Variants in MCUB observed in about 807,000 individuals in gnomAD.
MCUB encodes the protein calcium uniporter regulatory subunit MCUb, mitochondrial.
In MCUB, 46 loss-of-function variants were observed where a neutral mutation model predicts 41.4. That is an observed-to-expected ratio of 1.11 (90% confidence interval 0.88 to 1.42). The LOEUF is 1.42. Ranked by LOEUF, MCUB falls within the 40% of genes most tolerant of loss-of-function variation. MCUB has a pLI of 0.00. For missense variants in MCUB, 403 were observed against 404.9 expected, an observed-to-expected ratio of 1.00 and a Z score of 0.04; for synonymous variants, 148 against 148.2, an observed-to-expected ratio of 1.00 and a Z score of 0.01.
chr4:109,633,275 A>T (rs1030584484), intron 1 of MCUB, among the ~76,000 whole-genome samples: 24 of 150,200 alleles, frequency 1.6e-4, no homozygotes, highest in East Asian at 1.4e-3. Flanking sequence ...AATTATTATT[A>T]TTTTTTTTTT....
chr4:109,614,469 A>G lies in MCUB; in HGVS notation c.100-44542A>G, dbSNP rs993764339. Among the ~76,000 whole-genome samples, 10 of 151,726 alleles carry G rather than the reference A, an allele frequency of 6.6e-5. No homozygotes were observed. The East Asian group carries it at 9.6e-4, about 15-fold the overall frequency. ...GGGCAGAGTTGCTTCCTCTTTCTGC[A>G]CTCCGCTATGTGAGGACATAGAATA... is the stretch of plus-strand genomic sequence containing the variant. On this transcript the variant is annotated intron_variant, in intron 1 of 7. Transcript: ENST00000394650.
intron 1 of MCUB, among the ~76,000 whole-genome samples, chr4:109,650,825 A>G (rs918772856): frequency 6.6e-6 from 1 of 152,220 alleles, no homozygotes; most frequent in Admixed American, 6.5e-5. Flanking sequence ...GATCAGTACA[A>G]CATTCTTTGA....
At chr4:109,629,402 G>A (rs1230325499) in intron 1 of MCUB, among the ~76,000 whole-genome samples, 9 of 152,138 alleles carry the variant, frequency 5.9e-5, no homozygotes, top group Non-Finnish European at 1.0e-4. Flanking sequence ...GTGACCCCTA[G>A]TCACCAAGAA....
chr4:109,597,436 CGGGGCGGCTGGCCGGGCGGGGGGCTG>C (rs1727590008), intron 1 of MCUB, among the ~76,000 whole-genome samples: 10 of 125,584 alleles, frequency 8.0e-5, no homozygotes, highest in South Asian at 5.4e-4. Flanking sequence ...CCCTCCCGGA[CGGGGCGGCTGGCCGGGCGGGGGGCTG>C]ACCCCCCCAC....
intron 1 of MCUB, among the ~76,000 whole-genome samples, chr4:109,610,058 C>T (rs1727970611): frequency 6.6e-6 from 1 of 152,174 alleles, no homozygotes; most frequent in South Asian, 2.1e-4. Context: ...CCACTGCCAC[C>T]ATAGGCCCAT....
intron 1 of MCUB, among the ~76,000 whole-genome samples, chr4:109,618,873 G>A (rs1728184918): frequency 6.6e-6 from 1 of 151,654 alleles, no homozygotes; most frequent in Admixed American, 6.6e-5. Flanking sequence ...AAGCTTCTTA[G>A]AAGATGCATT....
chr4:109,586,809 C>G lies in MCUB; in HGVS notation c.99+26373C>G, dbSNP rs185170453. Among the ~76,000 whole-genome samples the G allele has an allele frequency of 6.1e-4, 93 of 152,252 alleles. 1 individual carries two copies. Among genetic ancestry groups the G allele is most frequent in the African/African-American group, 2.0e-3 (84 of 41,552 alleles). ...GGCTGCAGAACAGCAAATATTGCTG[C>G]CTGATCCTTCCTCTGGAAGCTTTGC... On this transcript the variant is annotated intron_variant, in intron 1 of 7. Transcript: ENST00000394650.
At chr4:109,618,920 G>A (rs577686642) in intron 1 of MCUB, among the ~76,000 whole-genome samples, 118 of 150,638 alleles carry the variant, frequency 7.8e-4, no homozygotes, top group African/African-American at 2.8e-3. Context: ...AGAAATCCCA[G>A]TTGGTTTCAA....
intron 4 of MCUB, among the ~76,000 whole-genome samples, chr4:109,665,659 C>A (rs1402721892): frequency 2.6e-5 from 4 of 152,110 alleles, no homozygotes; most frequent in African/African-American, 9.6e-5. Flanking sequence ...ATTGTTTTTT[C>A]ATTCATTTTG....
At chr4:109,601,795 T>C (rs1727751595) in intron 1 of MCUB, among the ~76,000 whole-genome samples, 2 of 152,170 alleles carry the variant, frequency 1.3e-5, no homozygotes, top group Admixed American at 1.3e-4. Context: ...TATTTTTAGT[T>C]TTCTGAGGAA....
intron 4 of MCUB, among the ~76,000 whole-genome samples, chr4:109,671,760 G>C (rs978567540): frequency 6.6e-6 from 1 of 152,052 alleles, no homozygotes. Context: ...GGTTGTTGTT[G>C]TTTTTTTCTT....
chr4:109,563,839 A>G (rs1369712617), intron 1 of MCUB, among the ~76,000 whole-genome samples: 7 of 152,164 alleles, frequency 4.6e-5, no homozygotes. Flanking sequence ...CTCCTGCCTC[A>G]GCCTCCCAAA....
At chr4:109,598,872 T>G (rs1018402973) in intron 1 of MCUB, among the ~76,000 whole-genome samples, 14 of 152,214 alleles carry the variant, frequency 9.2e-5, no homozygotes, top group African/African-American at 3.4e-4. Flanking sequence ...TGAAAATATA[T>G]CCATAGACCA....
intron 1 of MCUB, among the ~76,000 whole-genome samples, chr4:109,578,063 C>A (rs1322786568): frequency 6.6e-6 from 1 of 152,090 alleles, no homozygotes. Flanking sequence ...TTCAAATAAT[C>A]CAAGAATATT....
In MCUB at chr4:109,661,227, T is replaced by A. The variant is rs192255109; in HGVS notation, c.346+862T>A. 1.6e-3 allele frequency among the ~76,000 whole-genome samples: 249 copies of A among 152,356 alleles called. 1 individual carries two copies. The highest frequency in any genetic ancestry group is 2.5e-3 in the Non-Finnish European group (168 of 68,046). ...TAGTCTGAAATGGTCTTAGACCAACTGCTTCTAAATAGAATAAAGAATTAT... is the reference window on the plus strand; with the variant it reads ...TAGTCTGAAATGGTCTTAGACCAACAGCTTCTAAATAGAATAAAGAATTAT... On this transcript the variant is annotated intron_variant, in intron 3 of 7. Coordinates refer to ENST00000394650, the MANE Select transcript of MCUB (RefSeq NM_017918.5).
At chr4:109,581,093 C>A (rs1244602899) in intron 1 of MCUB, among the ~76,000 whole-genome samples, 2 of 152,148 alleles carry the variant, frequency 1.3e-5, no homozygotes, top group African/African-American at 4.8e-5. Context: ...GCGAAAAGAA[C>A]AAAGCTGGAG....
At chr4:109,668,634 C>A (rs1729393439) in intron 4 of MCUB, among the ~76,000 whole-genome samples, 1 of 151,558 alleles carries the variant, frequency 6.6e-6, no homozygotes, top group Non-Finnish European at 1.5e-5. Flanking sequence ...CATTGACATT[C>A]AAATTGATTA....
chr4:109,602,764 A>G (rs1387956654), intron 1 of MCUB, among the ~76,000 whole-genome samples: 1 of 152,178 alleles, frequency 6.6e-6, no homozygotes, highest in African/African-American at 2.4e-5. Flanking sequence ...GCATTTTGAT[A>G]GGGATTGCAT....
Position 109,560,358 on chromosome 4 carries a change from G to GC in MCUB, c.23dup (p.Trp9ValfsTer44). 1 of 1,319,974 alleles carries GC rather than the reference G, an allele frequency of 7.6e-7. No individual in the cohort carries two copies. The highest frequency in any genetic ancestry group is 9.7e-7 in the Non-Finnish European group (1 of 1,035,568). 81.8% of individuals were successfully genotyped at this position (1,319,974 alleles called of 1,614,324 possible). A position where few individuals can be genotyped will look rare whatever the true frequency, so the allele number is the denominator to read the frequency against. Reference sequence around the variant, plus strand: ...GGAGGATGCTCCAGAGGGGCCTCTGGCCGTGGCGCACGCGGCTGCTGCCGA... The same window carrying GC: ...GGAGGATGCTCCAGAGGGGCCTCTGGCCCGTGGCGCACGCGGCTGCTGCCGA... On this transcript the variant is annotated frameshift_variant, in exon 1 of 8. Transcript: ENST00000394650. LOFTEE classifies it high-confidence loss of function.
Sources: gnomAD v4.1 joint callset for allele counts (sites outside exome capture counted in the v4.1 genomes callset) on GRCh38, gnomAD v4.1.1 for gene constraint, MANE v1.5 for transcripts, NCBI Gene and HGNC (gene_info 2026-07-23, HGNC 2026-07-21) for gene names.